RPGRIP1L: variants seen among roughly 807,000 people sequenced by gnomAD.
The protein encoded by RPGRIP1L is protein fantom.
A neutral mutation model predicts 160.4 loss-of-function variants in RPGRIP1L; 131 were observed. The ratio of observed to expected loss-of-function variants is 0.82; its 90% confidence interval spans 0.71 to 0.94. The LOEUF (loss-of-function observed/expected upper bound fraction) is 0.94. Ranked by LOEUF, RPGRIP1L falls within the 40% of genes least tolerant of loss-of-function variation. The probability of loss-of-function intolerance (pLI) is 0.00; values close to 1 mark genes in which losing one functional copy is unlikely to be tolerated. For missense variants in RPGRIP1L, 1,522 were observed against 1,535.8 expected, an observed-to-expected ratio of 0.99 and a Z score of 0.15; for synonymous variants, 510 against 515.8, an observed-to-expected ratio of 0.99 and a Z score of 0.15.
intron 7 of RPGRIP1L, 128 bp downstream of exon 7, chr16:53,674,889 A>T (rs1969028235): frequency 1.5e-6 from 1 of 654,920 alleles, no homozygotes; most frequent in Admixed American, 2.4e-5. Flanking sequence ...ATTTGTGAAT[A>T]CAAAGAACAA....
At chr16:53,682,658 T>C (rs566319508) in intron 6 of RPGRIP1L, among the ~76,000 whole-genome samples, 6 of 152,182 alleles carry the variant, frequency 3.9e-5, no homozygotes, top group Admixed American at 2.6e-4. Context: ...AAGCTTGAGC[T>C]TGGCCCCTAT....
rs1158246946 is a variant in RPGRIP1L at position 53,664,910 on chromosome 16, T to C, written c.1203A>G (p.Thr401=). 6.2e-7 allele frequency: 1 copy of C among 1,612,670 alleles called. No individual in the cohort carries two copies. The highest frequency in any genetic ancestry group is 8.5e-7 in the Non-Finnish European group (1 of 1,179,926). ...ATCTGTCAAGGATTTCAGTTTTGTCTGTTAAGTCAGACTTCAAGGCAGTCT... is the reference window on the plus strand; with the variant it reads ...ATCTGTCAAGGATTTCAGTTTTGTCCGTTAAGTCAGACTTCAAGGCAGTCT... The part of the protein sequence containing the change: ...QLETALKSDL[T]DKTEILDRLK... Residue 401 remains threonine (T), a synonymous_variant, in exon 10 of 27, where the codon ACA becomes ACG. Coordinates refer to ENST00000647211, the MANE Select transcript of RPGRIP1L (RefSeq NM_015272.5).
At chr16:53,625,627 C>A (rs1346227627) in intron 22 of RPGRIP1L, among the ~76,000 whole-genome samples, 4 of 152,302 alleles carry the variant, frequency 2.6e-5, no homozygotes, top group African/African-American at 7.2e-5. Context: ...CCAGCCGCCA[C>A]CCCGTCTGGG....
chr16:53,664,278 G>A (rs551145645), intron 10 of RPGRIP1L, among the ~76,000 whole-genome samples: 5 of 152,110 alleles, frequency 3.3e-5, no homozygotes, highest in Admixed American at 6.6e-5. Flanking sequence ...TTAGCATGGG[G>A]CACAAAACTT....
intron 2 of RPGRIP1L, 152 bp from the exon 3 acceptor site, chr16:53,696,447 T>C: frequency 1.4e-6 from 1 of 738,658 alleles, no homozygotes; most frequent in Non-Finnish European, 2.3e-6. Context: ...TACCATTGTT[T>C]ACATCAATTA....
At chr16:53,696,124 A>C in intron 3 of RPGRIP1L, 27 bp downstream of exon 3, 1 of 1,611,758 alleles carries the variant, frequency 6.2e-7, no homozygotes, top group Non-Finnish European at 8.5e-7. Context: ...GAGTCAAGAA[A>C]AAAAGCTAAA....
intron 25 of RPGRIP1L, among the ~76,000 whole-genome samples, chr16:53,607,452 AAAG>A (rs1213593969): frequency 6.6e-6 from 1 of 152,234 alleles, no homozygotes; most frequent in African/African-American, 2.4e-5. Context: ...AATGATTATG[AAAG>A]AAGTTTTCCT....
chr16:53,609,451 G>T (rs1461700698), intron 25 of RPGRIP1L, among the ~76,000 whole-genome samples: 1 of 152,080 alleles, frequency 6.6e-6, no homozygotes, highest in Non-Finnish European at 1.5e-5. Flanking sequence ...TCTGAGGAAA[G>T]GCAGGTCTAA....
intron 9 of RPGRIP1L, among the ~76,000 whole-genome samples, chr16:53,666,517 T>G (rs1331374558): frequency 6.6e-6 from 1 of 151,796 alleles, no homozygotes; most frequent in African/African-American, 2.4e-5. Context: ...TATGGCCAAA[T>G]TGTATATATC....
At chr16:53,699,793 G>A (rs934055210) in intron 2 of RPGRIP1L, among the ~76,000 whole-genome samples, 25 of 150,318 alleles carry the variant, frequency 1.7e-4, no homozygotes, top group African/African-American at 6.2e-4. Context: ...ACTCCAGCCT[G>A]GGCGACAGAG....
chr16:53,696,355 T>C lies in RPGRIP1L; in HGVS notation c.86-60A>G, dbSNP rs190044617. On this transcript the variant is annotated intron_variant, in intron 2 of 26. Transcript: ENST00000647211. ...ACTTAAAATAGTCTCTAGAAACTCT[T>C]GATATTAATATAATCTCTGATGCAC... 3.3e-3 allele frequency: 5,078 copies of C among 1,552,290 alleles called. 11 individuals are homozygous for C. The highest frequency in any genetic ancestry group is 3.9e-3 in the Non-Finnish European group (4,360 of 1,125,348).
At chr16:53,664,373 C>G (rs1484708533) in intron 10 of RPGRIP1L, among the ~76,000 whole-genome samples, 1 of 152,178 alleles carries the variant, frequency 6.6e-6, no homozygotes, top group African/African-American at 2.4e-5. Flanking sequence ...AAACGGCAAG[C>G]TACTATTTCT....
intron 5 of RPGRIP1L, among the ~76,000 whole-genome samples, chr16:53,687,133 T>C (rs1269505678): frequency 6.6e-6 from 1 of 152,158 alleles, no homozygotes; most frequent in Non-Finnish European, 1.5e-5. Context: ...AGGCTAATCA[T>C]TACTGTAGCT....
At chr16:53,689,104 A>G (rs1449747995) in intron 4 of RPGRIP1L, among the ~76,000 whole-genome samples, 1 of 150,012 alleles carries the variant, frequency 6.7e-6, no homozygotes, top group Non-Finnish European at 1.5e-5. Flanking sequence ...ATATATATAT[A>G]AAACCTTTTA....
In RPGRIP1L at chr16:53,655,284, T is replaced by G. The variant is rs887112121; in HGVS notation, c.1699+1188A>C. Among the ~76,000 whole-genome samples, 5 of 152,218 alleles carry G rather than the reference T, an allele frequency of 3.3e-5. No individual in the cohort carries two copies. The East Asian group carries it at 7.7e-4, about 23-fold the overall frequency. ...GAAAATATAACTTAAAAAAGGTACT[T>G]TAATTTATGTTAACACGCAATAAGT... On this transcript the variant is annotated intron_variant, in intron 14 of 26. Coordinates refer to ENST00000647211, the MANE Select transcript of RPGRIP1L (RefSeq NM_015272.5).
At chr16:53,695,484 C>A (rs1230914633) in intron 3 of RPGRIP1L, 1 of 701,958 alleles carries the variant, frequency 1.4e-6, no homozygotes, top group Admixed American at 2.0e-5. Context: ...GAATACAGAC[C>A]TGCTCATGAT....
intron 19 of RPGRIP1L, among the ~76,000 whole-genome samples, chr16:53,638,659 A>C (rs187902266): frequency 1.3e-5 from 2 of 151,916 alleles, no homozygotes; most frequent in East Asian, 3.9e-4. Context: ...GCAAAAAAAA[A>C]CTGAGAGCAA....
chr16:53,684,071 A>G (rs1969808094), intron 6 of RPGRIP1L, among the ~76,000 whole-genome samples: 2 of 152,190 alleles, frequency 1.3e-5, no homozygotes. Flanking sequence ...TAGAATGGTG[A>G]TCACTAAAAA....
chr16:53,644,411 A>G (rs1461949235), intron 17 of RPGRIP1L, among the ~76,000 whole-genome samples: 1 of 152,210 alleles, frequency 6.6e-6, no homozygotes, highest in Non-Finnish European at 1.5e-5. Flanking sequence ...AAAGAGGAGA[A>G]AAAAATAACT....
Sources: allele counts gnomAD v4.1 joint callset (sites outside exome capture counted in the v4.1 genomes callset), GRCh38; gene constraint gnomAD v4.1.1; transcripts MANE v1.5; gene names NCBI Gene and HGNC (gene_info 2026-07-23, HGNC 2026-07-21).